NRG3: variants seen among roughly 807,000 people sequenced by gnomAD.
NRG3 encodes neuregulin 3.
A neutral mutation model predicts 66.9 loss-of-function variants in NRG3; 31 were observed. That is an observed-to-expected ratio of 0.46 (90% confidence interval 0.35 to 0.63). The LOEUF (loss-of-function observed/expected upper bound fraction) is 0.63. Ranked by LOEUF, NRG3 falls within the 20% of genes least tolerant of loss-of-function variation. NRG3 has a pLI of 0.00. For missense variants in NRG3, 910 were observed against 878.9 expected, an observed-to-expected ratio of 1.04 and a Z score of -0.45; for synonymous variants, 393 against 359.4, an observed-to-expected ratio of 1.09 and a Z score of -1.06.
Position 82,049,973 on chromosome 10 carries a change from A to G in NRG3, c.823+173810A>G, listed in dbSNP as rs147125385. ...GGAATGACTTATTGTAGAACAGAAT[A>G]TGTTTCATTTTCTGTACCATCCCCT... On this transcript the variant is annotated intron_variant, in intron 1 of 8. Coordinates refer to ENST00000372141, the MANE Select transcript of NRG3 (RefSeq NM_001010848.4). 6.4e-3 allele frequency among the ~76,000 whole-genome samples: 981 copies of G among 152,116 alleles called. 10 individuals carry two copies. Among genetic ancestry groups the G allele is most frequent in the African/African-American group, 0.022 (932 of 41,522 alleles).
chr10:82,498,975 AGAAAGCATGAT>A lies in NRG3; in HGVS notation c.953+140116_953+140126del, dbSNP rs1345714781. Among the ~76,000 whole-genome samples the A allele has an allele frequency of 2.6e-4, 39 of 152,260 alleles. 1 individual carries two copies. Among genetic ancestry groups the A allele is most frequent in the South Asian group, 4.1e-4 (2 of 4,830 alleles). On this transcript the variant is annotated intron_variant, in intron 2 of 8. Transcript: ENST00000372141. The stretch of plus-strand genomic sequence containing the variant: ...CAGATGAGACTCCAGGGCATCAACA[AGAAAGCATGAT>A]GAAAGCATTGACCAAGAAAGGTGGA...
rs373562301 is a variant in NRG3, at chr10:82,661,585, TTG to T, written c.954-76976_954-76975del. On this transcript the variant is annotated intron_variant, in intron 2 of 8. Transcript: ENST00000372141. Reference sequence around the variant, plus strand: ...TTCTATTATTGGTACTCTGGTATATTTGTGTGTGTGTGTGTGTTTGTGTGTAT... The same window carrying T: ...TTCTATTATTGGTACTCTGGTATATTTGTGTGTGTGTGTGTTTGTGTGTAT... 6.4e-3 allele frequency among the ~76,000 whole-genome samples: 970 copies of T among 151,270 alleles called. 6 individuals carry two copies. Among genetic ancestry groups the T allele is most frequent in the Non-Finnish European group, 9.0e-3 (610 of 67,696 alleles).
intron 1 of NRG3, among the ~76,000 whole-genome samples, chr10:82,186,937 C>A (rs1357596789): frequency 3.3e-5 from 5 of 152,122 alleles, no homozygotes; most frequent in Admixed American, 6.5e-5. Flanking sequence ...ATGATCATCA[C>A]TTTGCCAAGC....
At chr10:82,323,054 C>T (rs2081659643) in intron 1 of NRG3, among the ~76,000 whole-genome samples, 1 of 152,106 alleles carries the variant, frequency 6.6e-6, no homozygotes, top group Non-Finnish European at 1.5e-5. Flanking sequence ...ACCATTTCTG[C>T]ATAATTGAAA....
intron 2 of NRG3, among the ~76,000 whole-genome samples, chr10:82,363,344 G>A (rs1385920532): frequency 6.6e-6 from 1 of 152,206 alleles, no homozygotes; most frequent in Non-Finnish European, 1.5e-5. Context: ...TAAGGGGGCT[G>A]TGAAAACACG....
At chr10:82,014,998 C>G (rs1001322820) in intron 1 of NRG3, among the ~76,000 whole-genome samples, 2 of 152,208 alleles carry the variant, frequency 1.3e-5, no homozygotes, top group South Asian at 2.1e-4. Context: ...CTGGGAGTCT[C>G]CACTCCATAA....
chr10:81,976,185 T>TA (rs2060119449), intron 1 of NRG3, among the ~76,000 whole-genome samples: 1 of 152,142 alleles, frequency 6.6e-6, no homozygotes, highest in Non-Finnish European at 1.5e-5. Flanking sequence ...GGTAGTTGGG[T>TA]ATTTATAACA....
chr10:81,928,001 T>C (rs771273312), intron 1 of NRG3, among the ~76,000 whole-genome samples: 23 of 152,220 alleles, frequency 1.5e-4, no homozygotes, highest in Non-Finnish European at 3.1e-4. Flanking sequence ...AATTGGTTTT[T>C]ACATATGGAT....
chr10:82,552,059 A>C (rs947353754), intron 2 of NRG3, among the ~76,000 whole-genome samples: 7 of 152,154 alleles, frequency 4.6e-5, no homozygotes, highest in African/African-American at 1.4e-4. Context: ...CCAGGCCTTC[A>C]TGACTTTAGC....
chr10:81,903,401 G>A (rs1176733958), intron 1 of NRG3, among the ~76,000 whole-genome samples: 10 of 152,136 alleles, frequency 6.6e-5, no homozygotes. Flanking sequence ...ACTCTGACTT[G>A]TGAAAGTCCA....
At chr10:82,820,353 T>C (rs555423130) in intron 3 of NRG3, among the ~76,000 whole-genome samples, 1 of 152,358 alleles carries the variant, frequency 6.6e-6, no homozygotes, top group African/African-American at 2.4e-5. Flanking sequence ...ACTTTCAGTT[T>C]TATTTTTCTA....
At chr10:82,506,164 C>A (rs527580254) in intron 2 of NRG3, among the ~76,000 whole-genome samples, 1 of 152,308 alleles carries the variant, frequency 6.6e-6, no homozygotes, top group Admixed American at 6.5e-5. Context: ...AAGAGAATCA[C>A]TTGAACGTGG....
chr10:82,100,726 T>C (rs914542275), intron 1 of NRG3, among the ~76,000 whole-genome samples: 2 of 152,132 alleles, frequency 1.3e-5, no homozygotes, highest in African/African-American at 2.4e-5. Flanking sequence ...CTTGGTAATA[T>C]ATTTGGTATT....
At chr10:82,630,855 A>G (rs1363346544) in intron 2 of NRG3, among the ~76,000 whole-genome samples, 1 of 152,206 alleles carries the variant, frequency 6.6e-6, no homozygotes, top group African/African-American at 2.4e-5. Context: ...GTTGGACAAC[A>G]AGGTTTGCTT....
intron 2 of NRG3, among the ~76,000 whole-genome samples, chr10:82,620,247 A>G (rs963561988): frequency 6.6e-6 from 1 of 152,114 alleles, no homozygotes; most frequent in African/African-American, 2.4e-5. Flanking sequence ...TCCACCAGTG[A>G]GGGCAAAGGA....
chr10:82,069,572 C>T (rs2064683901), intron 1 of NRG3, among the ~76,000 whole-genome samples: 2 of 152,148 alleles, frequency 1.3e-5, no homozygotes, highest in South Asian at 4.1e-4. Context: ...GATTCAGACT[C>T]ATGTCTGCCA....
chr10:82,216,526 ATATG>A (rs1463426594), intron 1 of NRG3, among the ~76,000 whole-genome samples: 4 of 119,114 alleles, frequency 3.4e-5, no homozygotes, highest in South Asian at 2.9e-4. Flanking sequence ...ATATGCACAT[ATATG>A]TGTGTGTGTA....
chr10:82,048,768 A>C (rs1055465564), intron 1 of NRG3, among the ~76,000 whole-genome samples: 39 of 151,760 alleles, frequency 2.6e-4, no homozygotes, highest in Non-Finnish European at 4.9e-4. Context: ...ACTGAAGGAA[A>C]TAGAGACACA....
intron 1 of NRG3, among the ~76,000 whole-genome samples, chr10:82,054,874 C>T (rs2063760037): frequency 6.6e-6 from 1 of 151,452 alleles, no homozygotes. Flanking sequence ...GTGGTGTGTG[C>T]CTGTAGTCCC....
Sources: gnomAD v4.1 joint callset for allele counts (sites outside exome capture counted in the v4.1 genomes callset) on GRCh38, gnomAD v4.1.1 for gene constraint, MANE v1.5 for transcripts, NCBI Gene and HGNC (gene_info 2026-07-23, HGNC 2026-07-21) for gene names.